Variants in MYOCD observed in about 807,000 individuals in gnomAD.
MYOCD encodes the protein myocardin.
Under a neutral mutation model 96.1 loss-of-function variants are expected in MYOCD, and 32 were observed. The ratio of observed to expected loss-of-function variants is 0.33; its 90% CI spans 0.25 to 0.45. The LOEUF (loss-of-function observed/expected upper bound fraction) is 0.45, where lower values mean the gene tolerates loss of function less well. Among genes scored for constraint, MYOCD ranks in the 20% least tolerant of loss-of-function variants. The pLI, the probability that MYOCD is intolerant of heterozygous loss-of-function variation, is 1.00. For synonymous variants in MYOCD, 469 were observed against 469.0 expected (o/e 1.00, Z 0.00); for missense variants, 1,133 against 1,200.6 (o/e 0.94, Z 0.83).
intron 1 of MYOCD, among the ~76,000 whole-genome samples, chr17:12,680,809 G>A (rs191201573): frequency 1.1e-4 from 16 of 152,254 alleles, no homozygotes; most frequent in East Asian, 5.8e-4. Flanking sequence ...AAAGTTCCCC[G>A]CGGCTGAACA....
chr17:12,749,548 G>GTATGTATATACATATGTATATATATATT (rs1270853806), intron 9 of MYOCD, among the ~76,000 whole-genome samples: 28 of 101,788 alleles, frequency 2.8e-4, no homozygotes, highest in African/African-American at 7.6e-4. Flanking sequence ...ATATATATAT[G>GTATGTATATACATATGTATATATATATT]TATGTATATA....
intron 10 of MYOCD, among the ~76,000 whole-genome samples, chr17:12,755,417 T>A (rs1290327992): frequency 6.6e-6 from 1 of 152,124 alleles, no homozygotes; most frequent in East Asian, 1.9e-4. Flanking sequence ...GAGACCAGCC[T>A]GGCCAACACA....
chr17:12,719,174 C>CAAAAAAAAAAAAAAAAAAAAAAAAA (rs71144920), intron 4 of MYOCD, among the ~76,000 whole-genome samples: 6 of 49,160 alleles, frequency 1.2e-4, no homozygotes, highest in Admixed American at 5.5e-4. Flanking sequence ...GACTCTGTCT[C>CAAAAAAAAAAAAAAAAAAAAAAAAA]AAAAAAAAAA....
rs1274371892 is a variant in MYOCD, at chr17:12,753,290, C to G, written c.2002C>G (p.Gln668Glu). 1 of 1,613,110 alleles carries G rather than the reference C, an allele frequency of 6.2e-7. No individual in the cohort carries two copies. The highest frequency in any genetic ancestry group is 8.5e-7 in the Non-Finnish European group (1 of 1,179,426). ...PHFLPSSSGA[Q>E]GEGHRVSSPI... ...CTTTCTGCCCTCATCCTCCGGGGCC[C>G]AGGGAGAAGGGCACAGGGTCTCCTC... The change falls in exon 10 of 14, where the codon CAG (glutamine) becomes GAG (glutamate). Residue 668 changes from glutamine to glutamate, a missense_variant. Coordinates refer to ENST00000425538, the MANE Select transcript of MYOCD (RefSeq NM_001146312.3).
chr17:12,766,772 T>C lies in MYOCD; in HGVS notation c.*3128T>C, dbSNP rs1348781636. 6.6e-6 allele frequency: 1 copy of C among 152,196 alleles called. No individual in the cohort carries two copies. Among genetic ancestry groups the C allele is most frequent in the African/African-American group, 2.4e-5 (1 of 41,452 alleles). The allele number at this position is 152,196 out of a possible 1,614,324, so 9.4% of individuals were successfully genotyped here. ...TTTTCTTAAGACCTCTGAACCCCCATGGTGATGAAGACTTGAAGACATTTG... is the reference window on the plus strand; with the variant it reads ...TTTTCTTAAGACCTCTGAACCCCCACGGTGATGAAGACTTGAAGACATTTG... On this transcript the variant is annotated 3_prime_UTR_variant, in exon 14 of 14. Transcript: ENST00000425538.
intron 1 of MYOCD, among the ~76,000 whole-genome samples, chr17:12,670,799 A>C (rs1264707931): frequency 2.0e-5 from 3 of 152,246 alleles, no homozygotes; most frequent in Non-Finnish European, 4.4e-5. Flanking sequence ...ATGCTTGATC[A>C]AAGCATTACA....
rs2033343722 is a variant in MYOCD, at chr17:12,766,475, T to C, written c.*2831T>C. ...GCTTCTACAGTCTCCACAAACCGCA[T>C]TCACCCTCTCTCTTCATAGCTCAGA... On this transcript the variant is annotated 3_prime_UTR_variant, in exon 14 of 14. Coordinates refer to ENST00000425538, the MANE Select transcript of MYOCD (RefSeq NM_001146312.3). The C allele has an allele frequency of 6.6e-6, 1 of 152,176 alleles. No individual in the cohort carries two copies. The highest frequency in any genetic ancestry group is 1.5e-5 in the Non-Finnish European group (1 of 68,020). 9.4% of individuals were successfully genotyped at this position (152,176 alleles called of 1,614,324 possible).
At position 12,766,590 on chromosome 17, in the gene MYOCD, T is replaced by G. The variant is rs946244743; in HGVS notation, c.*2946T>G. On this transcript the variant is annotated 3_prime_UTR_variant, in exon 14 of 14. Coordinates refer to ENST00000425538, the MANE Select transcript of MYOCD (RefSeq NM_001146312.3). ...GTAGATCAGATAATCCATGAATTTG[T>G]CTCCCATTGAGAATTTTATTTTAAA... The G allele has an allele frequency of 6.6e-6, 1 of 152,214 alleles. No individual in the cohort carries two copies. Among genetic ancestry groups the G allele is most frequent in the African/African-American group, 2.4e-5 (1 of 41,460 alleles). The allele number at this position is 152,214 out of a possible 1,614,324, so 9.4% of individuals were successfully genotyped here.
intron 2 of MYOCD, among the ~76,000 whole-genome samples, chr17:12,707,591 G>T (rs1043125641): frequency 4.7e-4 from 72 of 152,272 alleles, no homozygotes; most frequent in Admixed American, 7.2e-4. Flanking sequence ...GCAGGCACCT[G>T]TAGTCCCAGC....
chr17:12,683,859 G>A lies in MYOCD; in HGVS notation c.55+17616G>A, dbSNP rs530439849. Among the ~76,000 whole-genome samples the A allele has an allele frequency of 1.1e-4, 17 of 152,278 alleles. No individual in the cohort carries two copies. In the South Asian group the frequency reaches 1.9e-3, roughly 17 times the overall value. On this transcript the variant is annotated intron_variant, in intron 1 of 13. Coordinates refer to ENST00000425538, the MANE Select transcript of MYOCD (RefSeq NM_001146312.3). Reference sequence around the variant, plus strand: ...TCCCTCATGTCTAAGACAGTGTTTGGACGTACAGTAGGTGATCAGTAAATA... The same window carrying A: ...TCCCTCATGTCTAAGACAGTGTTTGAACGTACAGTAGGTGATCAGTAAATA...
chr17:12,765,471 C>G lies in MYOCD; in HGVS notation c.*1827C>G, dbSNP rs2033314168. ...GAACACAGAGAGTTTTTGGTGATTG[C>G]TACTCTGAAAGCTGCCAGATCTTAT... On this transcript the variant is annotated 3_prime_UTR_variant, in exon 14 of 14. Transcript: ENST00000425538. 6.6e-6 allele frequency: 1 copy of G among 152,064 alleles called. No individual in the cohort carries two copies. The highest frequency in any genetic ancestry group is 1.5e-5 in the Non-Finnish European group (1 of 68,016). 9.4% of individuals were successfully genotyped at this position (152,064 alleles called of 1,614,324 possible).
At chr17:12,731,067 C>G (rs1376532727) in intron 5 of MYOCD, among the ~76,000 whole-genome samples, 1 of 152,196 alleles carries the variant, frequency 6.6e-6, no homozygotes, top group Non-Finnish European at 1.5e-5. Context: ...AGGATGATGT[C>G]AGGGCTTCCC....
At position 12,739,309 on chromosome 17, in the gene MYOCD, C is replaced by A. The variant is rs375548017; in HGVS notation, c.698C>A (p.Ala233Asp). 1.2e-6 allele frequency: 2 copies of A among 1,603,642 alleles called. No homozygotes were observed. The highest frequency in any genetic ancestry group is 1.1e-5 in the South Asian group (1 of 88,992). Reference protein sequence around the residue: ...QGLGPPSTPIAVHAAVKSKSL... With the variant: ...QGLGPPSTPIDVHAAVKSKSL... ...CTTGGCCCCCCCAGCACCCCCATAG[C>A]CGTGCATGCTGCTGTAAAGGTACGG... is the stretch of plus-strand genomic sequence containing the variant. The change falls in exon 7 of 14, where the codon GCC (alanine) becomes GAC (aspartate). Residue 233 changes from alanine (A) to aspartate (D), a missense_variant. By Grantham distance (126) the Ala-to-Asp change is moderately radical (BLOSUM62 -2). Coordinates refer to ENST00000425538, the MANE Select transcript of MYOCD (RefSeq NM_001146312.3).
At chr17:12,760,599 G>A in intron 12 of MYOCD, 51 bp from the exon 13 acceptor site, 1 of 1,461,954 alleles carries the variant, frequency 6.8e-7, no homozygotes, top group South Asian at 1.1e-5. Flanking sequence ...ATTTCCTACG[G>A]AGATAACCAC....
At chr17:12,749,894 G>T (rs1567598301) in intron 9 of MYOCD, among the ~76,000 whole-genome samples, 1 of 151,952 alleles carries the variant, frequency 6.6e-6, no homozygotes, top group African/African-American at 2.4e-5. Flanking sequence ...CTGTCGCCCA[G>T]GCTGGAGTGC....
intron 1 of MYOCD, among the ~76,000 whole-genome samples, chr17:12,694,615 C>T (rs1419208198): frequency 6.6e-6 from 1 of 152,056 alleles, no homozygotes; most frequent in Non-Finnish European, 1.5e-5. Context: ...AGCAACAAGG[C>T]CAAGAGAAAT....
chr17:12,697,783 G>T (rs115441965), intron 1 of MYOCD, among the ~76,000 whole-genome samples: 3,255 of 152,150 alleles, frequency 0.021, 42 homozygotes, highest in African/African-American at 0.035. Flanking sequence ...AAATTAATAC[G>T]AATTAGAACT....
rs189249332 is a variant in MYOCD at position 12,747,138 on chromosome 17, G to T, written c.1125+1066G>T. ...GTTTTGTCTCCCCAATTTAAAAAGT[G>T]AAAATAAAAACCAGAATCATAAAGA... On this transcript the variant is annotated intron_variant, in intron 9 of 13. Transcript: ENST00000425538. Among the ~76,000 whole-genome samples the T allele has an allele frequency of 2.9e-3, 439 of 152,090 alleles. 1 individual carries two copies. Among genetic ancestry groups the T allele is most frequent in the Non-Finnish European group, 5.5e-3 (373 of 68,000 alleles).
At chr17:12,691,441 C>T (rs2030440368) in intron 1 of MYOCD, among the ~76,000 whole-genome samples, 1 of 152,098 alleles carries the variant, frequency 6.6e-6, no homozygotes, top group Non-Finnish European at 1.5e-5. Context: ...GAGACTTGGT[C>T]GGGGCCATCA....
Sources: gnomAD v4.1 joint callset for allele counts (sites outside exome capture counted in the v4.1 genomes callset) on GRCh38, gnomAD v4.1.1 for gene constraint, MANE v1.5 for transcripts, NCBI Gene and HGNC (gene_info 2026-07-23, HGNC 2026-07-21) for gene names.